Variants in SLC44A3 observed in about 807,000 individuals in gnomAD.
SLC44A3 encodes the protein solute carrier family 44 member 3.
In SLC44A3, 74 loss-of-function variants were observed where a neutral mutation model predicts 75.4. The ratio of observed to expected loss-of-function variants is 0.98; its 90% CI spans 0.81 to 1.19. The LOEUF (loss-of-function observed/expected upper bound fraction) is 1.19, where lower values mean the gene tolerates loss of function less well. SLC44A3 is among the 50% of genes most tolerant of loss of function. The pLI is 0.00. For missense variants in SLC44A3, 700 were observed against 778.6 expected, an observed-to-expected ratio of 0.90 and a Z score of 1.20; for synonymous variants, 310 against 296.9, an observed-to-expected ratio of 1.04 and a Z score of -0.45.
intron 12 of SLC44A3, among the ~76,000 whole-genome samples, chr1:94,879,855 A>G (rs1668760707): frequency 6.7e-6 from 1 of 150,364 alleles, no homozygotes; most frequent in Non-Finnish European, 1.5e-5. Context: ...AAAAAAAAAG[A>G]AAAAAAAAGG....
chr1:94,839,537 C>T (rs1050447746), intron 6 of SLC44A3, among the ~76,000 whole-genome samples: 2 of 151,936 alleles, frequency 1.3e-5, no homozygotes, highest in African/African-American at 2.4e-5. Flanking sequence ...TACAGGTGCC[C>T]GCCACCATGC....
chr1:94,867,464 G>C, intron 12 of SLC44A3, 47 bp downstream of exon 12: 2 of 1,494,066 alleles, frequency 1.3e-6, no homozygotes, highest in South Asian at 2.6e-5. Flanking sequence ...GGGTCCAAAG[G>C]TGGGCTTCAT....
intron 10 of SLC44A3, among the ~76,000 whole-genome samples, chr1:94,862,346 ACGAGG>A (rs1489321193): frequency 1.6e-4 from 25 of 152,350 alleles, no homozygotes; most frequent in African/African-American, 6.0e-4. Flanking sequence ...TTTAGTGAGC[ACGAGG>A]CTGGATCTAA....
rs1388088713 is a variant in SLC44A3 at position 94,895,019 on chromosome 1, T to C, written c.*97T>C. On this transcript the variant is annotated 3_prime_UTR_variant, in exon 15 of 15. Transcript: ENST00000271227. ...CACTAGAGAAAAGTTAGTGAATTTT[T>C]TTTTAAAAGACCTAATAAACCCTAT... 1.1e-6 allele frequency: 1 copy of C among 901,402 alleles called. No homozygotes were observed. Among genetic ancestry groups the C allele is most frequent in the Non-Finnish European group, 1.7e-6 (1 of 593,690 alleles). 55.8% of individuals were successfully genotyped at this position (901,402 alleles called of 1,614,324 possible). A position where few individuals can be genotyped will look rare whatever the true frequency, so the allele number is the denominator to read the frequency against.
chr1:94,894,944 C>A lies in SLC44A3; in HGVS notation c.*22C>A. 1 of 1,559,200 alleles carries A rather than the reference C, an allele frequency of 6.4e-7. No homozygotes were observed. Among genetic ancestry groups the A allele is most frequent in the Non-Finnish European group, 8.8e-7 (1 of 1,139,378 alleles). On this transcript the variant is annotated 3_prime_UTR_variant, in exon 15 of 15. Transcript: ENST00000271227. ...ATAGATACCCATTTAGGTATCTGTACCTGGAAAACATTTCCTTCTAAGAGC... is the reference window on the plus strand; with the variant it reads ...ATAGATACCCATTTAGGTATCTGTAACTGGAAAACATTTCCTTCTAAGAGC...
chr1:94,888,568 G>A (rs1478808815), intron 12 of SLC44A3: 1 of 711,198 alleles, frequency 1.4e-6, no homozygotes, highest in Non-Finnish European at 1.7e-6. Flanking sequence ...GCAACAGCTG[G>A]TTTGAGATTT....
At chr1:94,884,155 G>A (rs72718274) in intron 12 of SLC44A3, among the ~76,000 whole-genome samples, 38,750 of 152,160 alleles carry the variant, frequency 0.25, 5,066 homozygotes, top group African/African-American at 0.28. Context: ...CAGCTCTCAT[G>A]TTTGTCCTTC....
chr1:94,863,669 A>G (rs989276136), intron 10 of SLC44A3, among the ~76,000 whole-genome samples: 3 of 152,206 alleles, frequency 2.0e-5, no homozygotes, highest in Non-Finnish European at 4.4e-5. Flanking sequence ...ACTTTAAATA[A>G]CACTGTGTTG....
At chr1:94,838,300 T>C (rs1663094538) in intron 6 of SLC44A3, among the ~76,000 whole-genome samples, 1 of 152,208 alleles carries the variant, frequency 6.6e-6, no homozygotes, top group Non-Finnish European at 1.5e-5. Flanking sequence ...TATGCATCCA[T>C]GTTAAATGGA....
At chr1:94,873,388 G>A (rs1025175126) in intron 12 of SLC44A3, among the ~76,000 whole-genome samples, 1 of 152,170 alleles carries the variant, frequency 6.6e-6, no homozygotes, top group Admixed American at 6.5e-5. Context: ...GCAGCTTCCT[G>A]TCTTTCTGAC....
chr1:94,823,795 T>C (rs1036133596), intron 2 of SLC44A3, among the ~76,000 whole-genome samples: 1 of 152,208 alleles, frequency 6.6e-6, no homozygotes, highest in Non-Finnish European at 1.5e-5. Flanking sequence ...TAAGTTTGCA[T>C]TATGGGAAGA....
At chr1:94,826,107 T>G (rs905727991) in intron 3 of SLC44A3, among the ~76,000 whole-genome samples, 26 of 152,204 alleles carry the variant, frequency 1.7e-4, no homozygotes, top group African/African-American at 6.3e-4. Flanking sequence ...CCTGAGGATG[T>G]CATGCCAAGT....
chr1:94,829,558 C>A (rs769116161), intron 5 of SLC44A3, among the ~76,000 whole-genome samples: 1 of 152,102 alleles, frequency 6.6e-6, no homozygotes. Context: ...AATGATGGAA[C>A]GGTGGTTGCA....
chr1:94,891,237 C>G lies in SLC44A3; in HGVS notation c.1590C>G (p.Cys530Trp). The G allele has an allele frequency of 6.2e-7, 1 of 1,609,328 alleles. No homozygotes were observed. Among genetic ancestry groups the G allele is most frequent in the Non-Finnish European group, 8.5e-7 (1 of 1,178,600 alleles). Reference protein sequence around the residue: ...KNSSHFTSINCFGDFIIFLGK... With the variant: ...KNSSHFTSINWFGDFIIFLGK... ...CAAGTCACTTTACATCTATTAACTGCTTTGGAGACTTCATAATTTTTCTAG... is the reference window on the plus strand; with the variant it reads ...CAAGTCACTTTACATCTATTAACTGGTTTGGAGACTTCATAATTTTTCTAG... Residue 530 changes from cysteine (C) to tryptophan (W), a missense_variant, in exon 13 of 15, where the codon TGC becomes TGG. Physicochemically the swap from Cys to Trp is radical, Grantham distance 215. Coordinates refer to ENST00000271227, the MANE Select transcript of SLC44A3 (RefSeq NM_001114106.3).
chr1:94,826,849 C>A (rs1661420794), intron 3 of SLC44A3, among the ~76,000 whole-genome samples: 1 of 152,160 alleles, frequency 6.6e-6, no homozygotes, highest in Non-Finnish European at 1.5e-5. Flanking sequence ...CCTACGGGGT[C>A]TTCCTCTGCC....
intron 5 of SLC44A3, among the ~76,000 whole-genome samples, chr1:94,837,171 T>C (rs924590128): frequency 6.6e-6 from 1 of 152,190 alleles, no homozygotes; most frequent in African/African-American, 2.4e-5. Flanking sequence ...TTATCAGGGA[T>C]GCAGGCAGGG....
intron 9 of SLC44A3, among the ~76,000 whole-genome samples, chr1:94,849,608 G>A (rs1007542658): frequency 4.4e-4 from 67 of 152,318 alleles, no homozygotes; most frequent in South Asian, 8.3e-4. Flanking sequence ...CCAGGTGATC[G>A]GGTGGCGAGC....
chr1:94,848,859 A>T (rs1320515852), intron 9 of SLC44A3, among the ~76,000 whole-genome samples: 1 of 152,060 alleles, frequency 6.6e-6, no homozygotes, highest in Non-Finnish European at 1.5e-5. Context: ...TGAGTCAGGG[A>T]GGGCTTCTTA....
chr1:94,824,627 C>A lies in SLC44A3; in HGVS notation c.270C>A (p.Thr90=). ...CCCCTCTTTCAGGGCAGGACATGAC[C>A]CTAAAAAAGTAAGTATCTAAATAAG... ...EGAPLSGQDM[T]LKKHVFFMNS... Residue 90 remains threonine, a synonymous_variant, in exon 3 of 15, where the codon ACC becomes ACA. Coordinates refer to ENST00000271227, the MANE Select transcript of SLC44A3 (RefSeq NM_001114106.3). The A allele has an allele frequency of 6.3e-7, 1 of 1,579,354 alleles. No individual in the cohort carries two copies.
Sources: allele counts gnomAD v4.1 joint callset (sites outside exome capture counted in the v4.1 genomes callset), GRCh38; gene constraint gnomAD v4.1.1; transcripts MANE v1.5; gene names NCBI Gene and HGNC (gene_info 2026-07-23, HGNC 2026-07-21).